The following SLC7A14 variants were observed in gnomAD, a reference collection of about 807,000 sequenced individuals.
SLC7A14 encodes the protein gamma-aminobutyric acid transporter SLC7A14.
Under a neutral mutation model 60.2 loss-of-function variants are expected in SLC7A14, and 37 were observed. That is an observed-to-expected ratio of 0.61 (90% CI 0.47 to 0.81). The LOEUF (loss-of-function observed/expected upper bound fraction) is 0.81, where lower values mean the gene tolerates loss of function less well. SLC7A14 is among the 30% of genes least tolerant of loss of function. SLC7A14 has a pLI of 0.00. For missense variants in SLC7A14, 886 were observed against 982.7 expected (o/e 0.90, Z 1.32); for synonymous variants, 399 against 395.8 (o/e 1.01, Z -0.10).
At chr3:170,528,079 C>T (rs1040562517) in intron 1 of SLC7A14, among the ~76,000 whole-genome samples, 2 of 152,192 alleles carry the variant, frequency 1.3e-5, no homozygotes, top group Non-Finnish European at 2.9e-5. Flanking sequence ...CCATCTGGAA[C>T]TGGCACGTTT....
Position 170,470,308 on chromosome 3 carries a change from A to ATGTGTATGTGTGTGTGTGTG in SLC7A14, c.1994-2932_1994-2931insCACACACACACACATACACA, listed in dbSNP as rs1553864053. ...GGGAGTGGCCAGGCCTGGAAGGAACATGTGTGTGTGTGTGTGTGTGTGTGT... is the reference window on the plus strand; with the variant it reads ...GGGAGTGGCCAGGCCTGGAAGGAACATGTGTATGTGTGTGTGTGTGTGTGTGTGTGTGTGTGTGTGTGTGT... On this transcript the variant is annotated intron_variant, in intron 7 of 7. Transcript: ENST00000231706. Among the ~76,000 whole-genome samples the ATGTGTATGTGTGTGTGTGTG allele has an allele frequency of 6.3e-5, 9 of 143,594 alleles. 1 individual carries two copies. The highest frequency in any genetic ancestry group is 1.1e-4 in the Non-Finnish European group (7 of 65,706). 94.2% of individuals were successfully genotyped at this position (143,594 alleles called of 152,430 possible).
rs183628420 is a variant in SLC7A14 at position 170,562,439 on chromosome 3, T to A, written c.-153+23472A>T. On this transcript the variant is annotated intron_variant, in intron 1 of 7. Coordinates refer to ENST00000231706, the MANE Select transcript of SLC7A14 (RefSeq NM_020949.3). ...CTCACTCATAAGTGAGACCTAAGCT[T>A]TGGGGATGCAAAGGCATAAAAATGA... Among the ~76,000 whole-genome samples the A allele has an allele frequency of 2.3e-3, 346 of 152,034 alleles. 1 individual carries two copies. Among genetic ancestry groups the A allele is most frequent in the African/African-American group, 7.9e-3 (329 of 41,464 alleles).
rs540326956 is a variant in SLC7A14 at position 170,507,990 on chromosome 3, T to C, written c.305-6645A>G. ...TCTTTTATTTTATAGATGATGCAAC[T>C]GAGCTCCAGATCTGAAGCTGCGTAT... On this transcript the variant is annotated intron_variant, in intron 2 of 7. Coordinates refer to ENST00000231706, the MANE Select transcript of SLC7A14 (RefSeq NM_020949.3). 3.9e-5 allele frequency among the ~76,000 whole-genome samples: 6 copies of C among 152,330 alleles called. No homozygotes were observed. In the South Asian group the frequency reaches 1.2e-3, roughly 32 times the overall value.
At chr3:170,508,728 GT>G (rs1712865502) in intron 2 of SLC7A14, among the ~76,000 whole-genome samples, 1 of 152,126 alleles carries the variant, frequency 6.6e-6, no homozygotes, top group African/African-American at 2.4e-5. Flanking sequence ...TCTCTGTTCC[GT>G]TTATGCAGCC....
chr3:170,528,899 CTATT>C, intron 1 of SLC7A14, among the ~76,000 whole-genome samples: 1 of 152,092 alleles, frequency 6.6e-6, no homozygotes, highest in Non-Finnish European at 1.5e-5. Context: ...ATCCACGTGT[CTATT>C]TATTTCCACT....
At chr3:170,584,557 C>G (rs1715323512) in intron 1 of SLC7A14, among the ~76,000 whole-genome samples, 1 of 152,188 alleles carries the variant, frequency 6.6e-6, no homozygotes, top group Non-Finnish European at 1.5e-5. Flanking sequence ...CAAGCGGAGT[C>G]CTGGGGAAGC....
At chr3:170,566,937 T>C (rs1207689590) in intron 1 of SLC7A14, among the ~76,000 whole-genome samples, 1 of 152,152 alleles carries the variant, frequency 6.6e-6, no homozygotes, top group East Asian at 1.9e-4. Context: ...GATGCAGTCA[T>C]TCTACAAGTT....
intron 2 of SLC7A14, among the ~76,000 whole-genome samples, chr3:170,519,145 G>A (rs1400444675): frequency 6.6e-6 from 1 of 152,132 alleles, no homozygotes; most frequent in East Asian, 1.9e-4. Flanking sequence ...ATAGTGAAGT[G>A]GAAGGTCAGC....
intron 2 of SLC7A14, among the ~76,000 whole-genome samples, chr3:170,523,097 T>C (rs576453497): frequency 6.6e-6 from 1 of 152,382 alleles, no homozygotes; most frequent in East Asian, 1.9e-4. Flanking sequence ...TATTTAGTGC[T>C]ATGTGCTCGG....
chr3:170,577,102 A>G (rs1020051242), intron 1 of SLC7A14, among the ~76,000 whole-genome samples: 5 of 152,186 alleles, frequency 3.3e-5, no homozygotes, highest in Admixed American at 6.5e-5. Context: ...CCTCTGGACT[A>G]ACTCTATGGT....
intron 2 of SLC7A14, among the ~76,000 whole-genome samples, chr3:170,516,955 AT>A (rs1432676888): frequency 6.6e-6 from 1 of 152,138 alleles, no homozygotes; most frequent in African/African-American, 2.4e-5. Flanking sequence ...AAGTATGATA[AT>A]GGCATTTATT....
At chr3:170,514,210 T>C (rs1341680333) in intron 2 of SLC7A14, among the ~76,000 whole-genome samples, 1 of 152,220 alleles carries the variant, frequency 6.6e-6, no homozygotes, top group East Asian at 1.9e-4. Context: ...GTAGATGGCC[T>C]GGCACATGCA....
In SLC7A14 at chr3:170,531,039, G is replaced by A. The variant is rs116029696; in HGVS notation, c.-152-3951C>T. Among the ~76,000 whole-genome samples, 1,018 of 152,244 alleles carry A rather than the reference G, an allele frequency of 6.7e-3. 8 individuals carry two copies. Among genetic ancestry groups the A allele is most frequent in the Middle Eastern group, 0.027 (8 of 294 alleles). On this transcript the variant is annotated intron_variant, in intron 1 of 7. Coordinates refer to ENST00000231706, the MANE Select transcript of SLC7A14 (RefSeq NM_020949.3). ...ACCCAAGGATCTTTCAGAAATGCTG[G>A]TGCCTGTGCCCCATCCCCAAAATTC...
intron 1 of SLC7A14, among the ~76,000 whole-genome samples, chr3:170,563,417 G>GTTTTTTTTTTTTTTTTTTTTTTTT (rs67991294): frequency 8.9e-6 from 1 of 111,908 alleles, no homozygotes. Context: ...TTGTTTGTTT[G>GTTTTTTTTTTTTTTTTTTTTTTTT]TTTTTTTTTT....
intron 2 of SLC7A14, among the ~76,000 whole-genome samples, chr3:170,517,598 T>C (rs1299072694): frequency 1.3e-5 from 2 of 152,220 alleles, no homozygotes; most frequent in Non-Finnish European, 1.5e-5. Context: ...ACTGAGTCTT[T>C]AGAAATCTTT....
chr3:170,476,882 C>T (rs373116110), intron 7 of SLC7A14: 28 of 152,188 alleles, frequency 1.8e-4, no homozygotes, highest in African/African-American at 5.8e-4. Context: ...AGGTAAGGGC[C>T]CCTGCCACCT....
At chr3:170,510,409 T>A (rs61629686) in intron 2 of SLC7A14, among the ~76,000 whole-genome samples, 67,310 of 133,270 alleles carry the variant, frequency 0.51, 17,968 homozygotes, top group African/African-American at 0.57. Flanking sequence ...AATAAATAAA[T>A]AAATAAATAA....
chr3:170,566,383 T>C (rs1442794985), intron 1 of SLC7A14, among the ~76,000 whole-genome samples: 1 of 152,190 alleles, frequency 6.6e-6, no homozygotes, highest in Non-Finnish European at 1.5e-5. Flanking sequence ...TGTTCGAAGT[T>C]GGAGCTAAGT....
chr3:170,483,245 CAG>C, intron 6 of SLC7A14, 67 bp downstream of exon 6: 6 of 1,554,620 alleles, frequency 3.9e-6, no homozygotes, highest in Non-Finnish European at 5.3e-6. Flanking sequence ...GTCAGTCTGA[CAG>C]TGGGTAGACA....
Sources: allele counts gnomAD v4.1 joint callset (sites outside exome capture counted in the v4.1 genomes callset), GRCh38; gene constraint gnomAD v4.1.1; transcripts MANE v1.5; gene names NCBI Gene and HGNC (gene_info 2026-07-23, HGNC 2026-07-21).